STPG2: variants seen among roughly 807,000 people sequenced by gnomAD.
The protein encoded by STPG2 is sperm tail PG-rich repeat containing 2.
In STPG2, 56 loss-of-function variants were observed where a neutral mutation model predicts 54.2. That is an observed-to-expected ratio of 1.03 (90% CI 0.83 to 1.29). STPG2 has a LOEUF of 1.29. STPG2 is among the 50% of genes most tolerant of loss of function. STPG2 has a pLI of 0.00. For missense variants in STPG2, 596 were observed against 544.9 expected (o/e 1.09, Z -0.93); for synonymous variants, 200 against 181.8 (o/e 1.10, Z -0.81).
intron 10 of STPG2, among the ~76,000 whole-genome samples, chr4:97,675,470 A>G (rs1380516599): frequency 6.6e-6 from 1 of 152,160 alleles, no homozygotes; most frequent in African/African-American, 2.4e-5. Context: ...AAGAAAAGAA[A>G]AAAACTCTGT....
chr4:97,869,337 G>A (rs745366109), intron 8 of STPG2, among the ~76,000 whole-genome samples: 8 of 151,470 alleles, frequency 5.3e-5, no homozygotes, highest in East Asian at 1.9e-4. Flanking sequence ...TAAAGGCTCT[G>A]TTAACTTACC....
intron 10 of STPG2, among the ~76,000 whole-genome samples, chr4:97,562,103 C>A (rs529141615): frequency 2.0e-5 from 3 of 152,194 alleles, no homozygotes; most frequent in African/African-American, 4.8e-5. Flanking sequence ...TGTTTGTATC[C>A]TCTTTTATTT....
chr4:98,094,997 AC>A (rs778059326), intron 5 of STPG2, among the ~76,000 whole-genome samples: 1 of 152,230 alleles, frequency 6.6e-6, no homozygotes, highest in Non-Finnish European at 1.5e-5. Flanking sequence ...CCTAGGTAGT[AC>A]AATAGGACAT....
rs530781973 is a variant in STPG2, at chr4:97,654,801, T to TA, written c.1320+57897dup. The stretch of plus-strand genomic sequence containing the variant: ...TTCATCTTAATGTTGTTTACAATAG[T>TA]AAAAAAAATCATAAATAACAATAAT... On this transcript the variant is annotated intron_variant, in intron 10 of 10. Coordinates refer to ENST00000295268, the MANE Select transcript of STPG2 (RefSeq NM_174952.3). Among the ~76,000 whole-genome samples, 17 of 144,378 alleles carry TA rather than the reference T, an allele frequency of 1.2e-4. No homozygotes were observed. The East Asian group carries it at 1.9e-3, about 16-fold the overall frequency. 94.7% of individuals were successfully genotyped at this position (144,378 alleles called of 152,430 possible). A position where few individuals can be genotyped will look rare whatever the true frequency, so the allele number is the denominator to read the frequency against.
At chr4:97,866,934 T>A (rs1438333648) in intron 8 of STPG2, among the ~76,000 whole-genome samples, 1 of 151,924 alleles carries the variant, frequency 6.6e-6, no homozygotes, top group Non-Finnish European at 1.5e-5. Flanking sequence ...GCATTTGGCT[T>A]CCTGATCAAG....
intron 5 of STPG2, among the ~76,000 whole-genome samples, chr4:97,994,835 T>G (rs1735153010): frequency 6.6e-6 from 1 of 152,028 alleles, no homozygotes; most frequent in Admixed American, 6.6e-5. Flanking sequence ...ATAGGGAGGA[T>G]CAGGCAGTGG....
chr4:97,739,481 A>C, intron 9 of STPG2, among the ~76,000 whole-genome samples: 1 of 152,198 alleles, frequency 6.6e-6, no homozygotes, highest in Admixed American at 6.5e-5. Context: ...ACTAATAAAG[A>C]AGAAAAGAGA....
At chr4:97,492,087 C>T (rs1730514904) in intron 4 of STPG2, among the ~76,000 whole-genome samples, 2 of 151,302 alleles carry the variant, frequency 1.3e-5, no homozygotes, top group South Asian at 4.1e-4. Flanking sequence ...ACTCAGTGCA[C>T]ACCTAGATGG....
chr4:98,039,882 C>A (rs114506112), intron 5 of STPG2, among the ~76,000 whole-genome samples: 2,230 of 151,618 alleles, frequency 0.015, 56 homozygotes, highest in African/African-American at 0.05. Context: ...AATTTTATTT[C>A]TTTAAGAAGA....
At chr4:97,781,669 TG>T (rs1726619895) in intron 9 of STPG2, among the ~76,000 whole-genome samples, 1 of 152,126 alleles carries the variant, frequency 6.6e-6, no homozygotes, top group Admixed American at 6.5e-5. Context: ...TGAACATCAA[TG>T]CAAAAATCAT....
At chr4:97,489,066 T>C (rs1730441634) in intron 4 of STPG2, among the ~76,000 whole-genome samples, 1 of 151,626 alleles carries the variant, frequency 6.6e-6, no homozygotes, top group Non-Finnish European at 1.5e-5. Flanking sequence ...GTTCTCATGA[T>C]AGTGAATAAG....
At chr4:97,851,814 T>C (rs1729167090) in intron 8 of STPG2, among the ~76,000 whole-genome samples, 1 of 152,160 alleles carries the variant, frequency 6.6e-6, no homozygotes, top group Non-Finnish European at 1.5e-5. Context: ...ATGACCACTT[T>C]TGACATTAGT....
chr4:97,484,838 A>C (rs28829087), intron 4 of STPG2, among the ~76,000 whole-genome samples: 2 of 151,880 alleles, frequency 1.3e-5, no homozygotes, highest in East Asian at 3.9e-4. Flanking sequence ...AAATCCAACA[A>C]CACTTCAAAA....
At chr4:97,714,266 AT>A (rs1274568978) in intron 9 of STPG2, among the ~76,000 whole-genome samples, 1 of 152,204 alleles carries the variant, frequency 6.6e-6, no homozygotes, top group African/African-American at 2.4e-5. Context: ...AGTATGAAAC[AT>A]TTTTAATGTT....
intron 8 of STPG2, among the ~76,000 whole-genome samples, chr4:97,872,616 T>A (rs2149156279): frequency 6.6e-6 from 1 of 151,360 alleles, no homozygotes; most frequent in African/African-American, 2.4e-5. Context: ...ATATGCAAAA[T>A]TAGATTTCAA....
intron 4 of STPG2, among the ~76,000 whole-genome samples, chr4:97,465,788 C>T (rs1729773832): frequency 1.3e-5 from 2 of 151,454 alleles, no homozygotes; most frequent in Admixed American, 1.3e-4. Flanking sequence ...ATCATTTTTG[C>T]TGTTGAATTG....
intron 5 of STPG2, among the ~76,000 whole-genome samples, chr4:98,043,486 G>C (rs1737028511): frequency 6.6e-6 from 1 of 151,634 alleles, no homozygotes; most frequent in Admixed American, 6.6e-5. Context: ...ACTTTTATAA[G>C]TATTTTCCTT....
chr4:97,950,625 G>A (rs1039042530), intron 7 of STPG2, among the ~76,000 whole-genome samples: 2 of 152,142 alleles, frequency 1.3e-5, no homozygotes, highest in Non-Finnish European at 2.9e-5. Context: ...TTGCTAGAGA[G>A]CTAGTGAAAC....
At chr4:97,838,892 G>A (rs528294429) in intron 9 of STPG2, among the ~76,000 whole-genome samples, 1 of 151,458 alleles carries the variant, frequency 6.6e-6, no homozygotes, top group Non-Finnish European at 1.5e-5. Flanking sequence ...GAGGCACATG[G>A]GGTTTCTGTT....
Sources: gnomAD v4.1 joint callset for allele counts (sites outside exome capture counted in the v4.1 genomes callset) on GRCh38, gnomAD v4.1.1 for gene constraint, MANE v1.5 for transcripts, NCBI Gene and HGNC (gene_info 2026-07-23, HGNC 2026-07-21) for gene names.